MAP4K3: variants seen among roughly 807,000 people sequenced by gnomAD.
MAP4K3 encodes the protein MAPK/ERK kinase kinase kinase 3.
MAP4K3 carries 94 observed loss-of-function variants against 143.5 expected under a neutral mutation model. That is an observed-to-expected ratio of 0.65 (90% confidence interval 0.55 to 0.78). MAP4K3 has a LOEUF of 0.78. MAP4K3 is among the 30% of genes least tolerant of loss of function. The probability of loss-of-function intolerance (pLI) is 0.00; values close to 1 mark genes in which losing one functional copy is unlikely to be tolerated. For missense variants in MAP4K3, 1,077 were observed against 1,068.1 expected (o/e 1.01, Z -0.12); for synonymous variants, 416 against 347.2 (o/e 1.20, Z -2.20).
intron 2 of MAP4K3, among the ~76,000 whole-genome samples, chr2:39,361,502 T>C (rs969149736): frequency 1.3e-5 from 2 of 151,738 alleles, no homozygotes; most frequent in Non-Finnish European, 2.9e-5. Context: ...TTATTTACTA[T>C]ATATGACTGT....
chr2:39,400,474 T>C (rs1468483320), intron 1 of MAP4K3, among the ~76,000 whole-genome samples: 2 of 152,198 alleles, frequency 1.3e-5, no homozygotes, highest in Non-Finnish European at 2.9e-5. Flanking sequence ...TTTTTCTTTT[T>C]TACATATCTT....
chr2:39,292,884 G>C, intron 17 of MAP4K3, 58 bp from the exon 18 acceptor site: 1 of 1,410,038 alleles, frequency 7.1e-7, no homozygotes, highest in Non-Finnish European at 1.0e-6. Flanking sequence ...ACAGTAAGAA[G>C]AAATTTTAGA....
At chr2:39,293,176 C>T in intron 17 of MAP4K3, 54 bp downstream of exon 17, 5 of 1,271,098 alleles carry the variant, frequency 3.9e-6, no homozygotes, top group Non-Finnish European at 5.5e-6. Flanking sequence ...AGAAGGCAAA[C>T]TGACTTTACT....
At chr2:39,406,435 T>C (rs1472727972) in intron 1 of MAP4K3, among the ~76,000 whole-genome samples, 1 of 152,144 alleles carries the variant, frequency 6.6e-6, no homozygotes, top group Non-Finnish European at 1.5e-5. Context: ...AGACATTGAA[T>C]ACTCCAAACT....
chr2:39,375,524 T>C (rs549860112), intron 2 of MAP4K3, among the ~76,000 whole-genome samples: 3 of 152,308 alleles, frequency 2.0e-5, no homozygotes, highest in East Asian at 3.9e-4. Context: ...TGGGAACCTA[T>C]AGATATAACG....
At chr2:39,297,446 G>T in intron 16 of MAP4K3, among the ~76,000 whole-genome samples, 1 of 152,038 alleles carries the variant, frequency 6.6e-6, no homozygotes, top group Non-Finnish European at 1.5e-5. Flanking sequence ...ATAGTATTTT[G>T]TTGGTTTTAA....
At chr2:39,368,531 T>C (rs1665988649) in intron 2 of MAP4K3, among the ~76,000 whole-genome samples, 1 of 151,812 alleles carries the variant, frequency 6.6e-6, no homozygotes, top group Admixed American at 6.6e-5. Context: ...TAGCTGGGTG[T>C]GGTGATGCAC....
At chr2:39,409,823 T>G (rs762692765) in intron 1 of MAP4K3, among the ~76,000 whole-genome samples, 2 of 152,202 alleles carry the variant, frequency 1.3e-5, no homozygotes, top group African/African-American at 2.4e-5. Context: ...TACCTAGTAC[T>G]ATAATAAATG....
At chr2:39,436,805 G>A (rs931732026) in intron 1 of MAP4K3, 87 bp downstream of exon 1, 24 of 1,165,602 alleles carry the variant, frequency 2.1e-5, no homozygotes, top group South Asian at 1.2e-4. Context: ...AGCGTCTCCC[G>A]AGGACAGGCG....
chr2:39,294,817 A>G, intron 16 of MAP4K3, among the ~76,000 whole-genome samples: 1 of 152,196 alleles, frequency 6.6e-6, no homozygotes, highest in East Asian at 1.9e-4. Flanking sequence ...CAGTTCTCAA[A>G]TTGTGGTATA....
chr2:39,338,861 C>A (rs1357823918), intron 4 of MAP4K3, among the ~76,000 whole-genome samples: 2 of 152,286 alleles, frequency 1.3e-5, no homozygotes, highest in Admixed American at 1.3e-4. Flanking sequence ...GAAATGGGTC[C>A]TTGCCAGACA....
At chr2:39,295,573 G>C (rs1019803461) in intron 16 of MAP4K3, among the ~76,000 whole-genome samples, 5 of 151,904 alleles carry the variant, frequency 3.3e-5, no homozygotes, top group Non-Finnish European at 7.4e-5. Flanking sequence ...TTTTAGATGT[G>C]AAAAAATACT....
chr2:39,325,873 A>G lies in MAP4K3; in HGVS notation c.725+26T>C, dbSNP rs766560620. 8.3e-6 allele frequency: 13 copies of G among 1,564,748 alleles called. No homozygotes were observed. The African/African-American group carries it at 1.6e-4, about 20-fold the overall frequency. On this transcript the variant is annotated intron_variant, in intron 10 of 33. Transcript: ENST00000263881. ...TTCATTTTTTGCTCATCTCACCATA[A>G]AAGTAAATAACATAAAAATACTTAC...
In MAP4K3 at chr2:39,292,826, T is replaced by C. The variant is rs768598399; in HGVS notation, c.1218A>G (p.Arg406=). ...LKSVEEELHQ[R]GHVAHLEDDE... is the part of the protein sequence containing the mutation. ...CATCTTCTAAATGTGCGACGTGTCC[T>C]CTAAATAAAAAGGATAATGTCATTG... Residue 406 remains arginine, a splice_region_variant and synonymous_variant, in exon 18 of 34, where the codon CGA becomes CGG. Coordinates refer to ENST00000263881, the MANE Select transcript of MAP4K3 (RefSeq NM_003618.4). 2 of 1,611,376 alleles carry C rather than the reference T, an allele frequency of 1.2e-6. No individual in the cohort carries two copies.
chr2:39,272,548 TA>T lies in MAP4K3; in HGVS notation c.1795-7del. The T allele has an allele frequency of 3.7e-6, 6 of 1,611,614 alleles. No homozygotes were observed. Among genetic ancestry groups the T allele is most frequent in the African/African-American group, 1.3e-5 (1 of 74,926 alleles). The stretch of plus-strand genomic sequence containing the variant: ...GTACACCTTCGAGGGAATAGCTGAT[TA>T]AAAAAAGGCACAAAGTTTACAAAGA... On this transcript the variant is annotated splice_polypyrimidine_tract_variant and splice_region_variant and intron_variant, in intron 24 of 33. Transcript: ENST00000263881.
chr2:39,325,459 C>CACATATAT lies in MAP4K3; in HGVS notation c.918+51_918+58dup, dbSNP rs1048530060. 3 of 1,160,812 alleles carry CACATATAT rather than the reference C, an allele frequency of 2.6e-6. No homozygotes were observed. The African/African-American group carries it at 4.6e-5, about 18-fold the overall frequency. 71.9% of individuals were successfully genotyped at this position (1,160,812 alleles called of 1,614,324 possible). A position where few individuals can be genotyped will look rare whatever the true frequency, so the allele number is the denominator to read the frequency against. On this transcript the variant is annotated intron_variant, in intron 12 of 33. Coordinates refer to ENST00000263881, the MANE Select transcript of MAP4K3 (RefSeq NM_003618.4). ...GGATTTTGAGACGTACATACAGACA[C>CACATATAT]ACATATATACATACACATATACATG...
In MAP4K3 at chr2:39,437,096, C is replaced by T. The variant is rs1310049974; in HGVS notation, c.-109G>A. 9.7e-6 allele frequency: 7 copies of T among 721,212 alleles called. No homozygotes were observed. Among genetic ancestry groups the T allele is most frequent in the Non-Finnish European group, 1.3e-5 (6 of 473,168 alleles). The allele number at this position is 721,212 out of a possible 1,614,324, so 44.7% of individuals were successfully genotyped here. On this transcript the variant is annotated 5_prime_UTR_variant, in exon 1 of 34. Transcript: ENST00000263881. ...GCCGGCTCCCGGCTCCCCCGGCGGT[C>T]ACAATCACCCGGCTCCACGCTGCGG... is the stretch of plus-strand genomic sequence containing the variant.
chr2:39,380,477 G>A (rs757493405), intron 1 of MAP4K3, among the ~76,000 whole-genome samples: 1 of 151,958 alleles, frequency 6.6e-6, no homozygotes, highest in Non-Finnish European at 1.5e-5. Context: ...CAATCACCTT[G>A]AGCAGTTTAT....
At chr2:39,313,487 TTTC>T (rs1436868215) in intron 13 of MAP4K3, among the ~76,000 whole-genome samples, 4 of 152,200 alleles carry the variant, frequency 2.6e-5, no homozygotes, top group Non-Finnish European at 4.4e-5. Flanking sequence ...TTCTTTTTCT[TTTC>T]TTTTCTTTCT....
Sources: gnomAD v4.1 joint callset for allele counts (sites outside exome capture counted in the v4.1 genomes callset) on GRCh38, gnomAD v4.1.1 for gene constraint, MANE v1.5 for transcripts, NCBI Gene and HGNC (gene_info 2026-07-23, HGNC 2026-07-21) for gene names.